Variants in GMPS observed in about 807,000 individuals in gnomAD.
GMPS encodes GMP synthase [glutamine-hydrolyzing].
GMPS carries 15 observed loss-of-function variants against 77.9 expected under a neutral mutation model. That is an observed-to-expected ratio of 0.19 (90% CI 0.13 to 0.30). GMPS has a LOEUF of 0.30. GMPS is among the 10% of genes least tolerant of loss of function. The pLI is 1.00. For missense variants in GMPS, 590 were observed against 838.8 expected (o/e 0.70, Z 3.66); for synonymous variants, 224 against 275.9 (o/e 0.81, Z 1.86).
At position 155,939,426 on chromosome 3, in the gene GMPS, G is replaced by T. The variant is rs12494143; in HGVS notation, c.*1734G>T. On this transcript the variant is annotated 3_prime_UTR_variant, in exon 16 of 16. Coordinates refer to ENST00000496455, the MANE Select transcript of GMPS (RefSeq NM_003875.3). ...ACAGTAGGAATTTTGGAAAAATAGA[G>T]AGTAAGAATGTGTGTTCTATGGAAC... 11,921 of 204,674 alleles carry T rather than the reference G, an allele frequency of 0.058. 492 individuals are homozygous for T. Among genetic ancestry groups the T allele is most frequent in the South Asian group, 0.17 (905 of 5,268 alleles). 12.7% of individuals were successfully genotyped at this position (204,674 alleles called of 1,614,324 possible).
rs368988652 is a variant in GMPS, at chr3:155,903,946, A to G, written c.408A>G (p.Thr136=). 25 of 1,408,844 alleles carry G rather than the reference A, an allele frequency of 1.8e-5. No homozygotes were observed. In the African/African-American group the frequency reaches 3.6e-4, roughly 20 times the overall value. 87.3% of individuals were successfully genotyped at this position (1,408,844 alleles called of 1,614,324 possible). A position where few individuals can be genotyped will look rare whatever the true frequency, so the allele number is the denominator to read the frequency against. ...TTTTCAACATTAGTGTGGATAATAC[A>G]TGTTCATTATTCAGGTATTACATTT... ...DGVFNISVDN[T]CSLFRGLQKE... The change falls in exon 4 of 16, where the codon ACA becomes ACG. Residue 136 remains threonine, a synonymous_variant. Transcript: ENST00000496455.
intron 1 of GMPS, among the ~76,000 whole-genome samples, chr3:155,876,222 A>G (rs950355075): frequency 6.6e-6 from 1 of 152,164 alleles, no homozygotes; most frequent in African/African-American, 2.4e-5. Context: ...GCATCTTGCA[A>G]GGTGAGGAGT....
At chr3:155,921,503 A>T (rs780201426) in intron 10 of GMPS, among the ~76,000 whole-genome samples, 2 of 152,150 alleles carry the variant, frequency 1.3e-5, no homozygotes. Context: ...GTGATACTTA[A>T]TACATGGACT....
chr3:155,877,841 G>C (rs1268350505), intron 1 of GMPS, among the ~76,000 whole-genome samples: 1 of 148,452 alleles, frequency 6.7e-6, no homozygotes, highest in Non-Finnish European at 1.5e-5. Flanking sequence ...TAGTACAGTG[G>C]CGCGATCTCA....
At chr3:155,905,908 T>G (rs946376557) in intron 4 of GMPS, among the ~76,000 whole-genome samples, 1 of 152,222 alleles carries the variant, frequency 6.6e-6, no homozygotes, top group African/African-American at 2.4e-5. Flanking sequence ...CTGGTTATAC[T>G]ACCAACTTCA....
At position 155,870,830 on chromosome 3, in the gene GMPS, G is replaced by T; in HGVS notation, c.-41G>T. 1 of 1,384,660 alleles carries T rather than the reference G, an allele frequency of 7.2e-7. No homozygotes were observed. Among genetic ancestry groups the T allele is most frequent in the Non-Finnish European group, 9.8e-7 (1 of 1,022,792 alleles). 85.8% of individuals were successfully genotyped at this position (1,384,660 alleles called of 1,614,324 possible). On this transcript the variant is annotated 5_prime_UTR_variant, in exon 1 of 16. Transcript: ENST00000496455. ...TTCCGGCACCCTCCCGCCCCGTCTC[G>T]TACTGTCGCCGTCACCGCCGCGGCT...
intron 3 of GMPS, among the ~76,000 whole-genome samples, chr3:155,900,173 A>G (rs769313619): frequency 2.0e-5 from 3 of 152,164 alleles, no homozygotes; most frequent in Non-Finnish European, 2.9e-5. Context: ...TTAGTTTTGT[A>G]AGAAACTGCC....
Position 155,909,397 on chromosome 3 carries a change from A to G in GMPS, c.527-1295A>G, listed in dbSNP as rs550930398. On this transcript the variant is annotated intron_variant, in intron 5 of 15. Transcript: ENST00000496455. ...TTGGTAGCTGTACAATGCATTTGAA[A>G]GCCATGTGCAACTGAGAACCAAAAT... 2.0e-3 allele frequency among the ~76,000 whole-genome samples: 298 copies of G among 152,334 alleles called. 1 individual carries two copies. Among genetic ancestry groups the G allele is most frequent in the African/African-American group, 7.0e-3 (289 of 41,568 alleles).
chr3:155,940,682 T>C lies in GMPS; in HGVS notation c.*2990T>C, dbSNP rs1445258518. ...TTCAGCATCAAATCCAGCTATAAATTTGTATTTTGTAAACAAGAGAAAGTA... is the reference window on the plus strand; with the variant it reads ...TTCAGCATCAAATCCAGCTATAAATCTGTATTTTGTAAACAAGAGAAAGTA... On this transcript the variant is annotated 3_prime_UTR_variant, in exon 16 of 16. Transcript: ENST00000496455. 2 of 224,326 alleles carry C rather than the reference T, an allele frequency of 8.9e-6. No homozygotes were observed. Among genetic ancestry groups the C allele is most frequent in the South Asian group, 1.8e-4 (1 of 5,460 alleles). 13.9% of individuals were successfully genotyped at this position (224,326 alleles called of 1,614,324 possible).
At chr3:155,920,303 G>A (rs1755285690) in intron 10 of GMPS, among the ~76,000 whole-genome samples, 1 of 152,130 alleles carries the variant, frequency 6.6e-6, no homozygotes, top group Non-Finnish European at 1.5e-5. Flanking sequence ...ATTAGCACTT[G>A]TTCTCAAATC....
At chr3:155,881,522 C>A (rs1754206860) in intron 1 of GMPS, among the ~76,000 whole-genome samples, 1 of 152,228 alleles carries the variant, frequency 6.6e-6, no homozygotes, top group South Asian at 2.1e-4. Context: ...AACATCTTCA[C>A]AAAGGCATAT....
intron 5 of GMPS, 43 bp from the exon 6 acceptor site, chr3:155,910,649 C>T: frequency 1.0e-6 from 1 of 959,682 alleles, no homozygotes; most frequent in Non-Finnish European, 1.5e-6. Context: ...TGAGTCTTTT[C>T]AGCATGAAAA....
chr3:155,912,375 G>A (rs1397591290), intron 7 of GMPS, among the ~76,000 whole-genome samples: 2 of 152,132 alleles, frequency 1.3e-5, no homozygotes, highest in Admixed American at 6.5e-5. Context: ...AAGCTAGGGG[G>A]GTCTCTCCCA....
intron 1 of GMPS, among the ~76,000 whole-genome samples, chr3:155,888,560 C>G (rs1025553172): frequency 6.6e-6 from 1 of 151,524 alleles, no homozygotes; most frequent in Non-Finnish European, 1.5e-5. Context: ...TAGCTAGGAC[C>G]ACAGGCACGT....
intron 12 of GMPS, among the ~76,000 whole-genome samples, chr3:155,931,233 G>T (rs916394511): frequency 6.6e-6 from 1 of 151,690 alleles, no homozygotes; most frequent in Non-Finnish European, 1.5e-5. Context: ...ACCCAGGCTG[G>T]AGTGCAGTGA....
intron 13 of GMPS, among the ~76,000 whole-genome samples, chr3:155,934,560 A>G (rs1031627129): frequency 2.0e-5 from 3 of 152,186 alleles, no homozygotes; most frequent in Admixed American, 2.0e-4. Context: ...TTACATTTGC[A>G]AAGACCCTTT....
At chr3:155,931,572 T>TTA (rs1335038723) in intron 12 of GMPS, among the ~76,000 whole-genome samples, 193 bp from the exon 13 acceptor site, 1 of 152,030 alleles carries the variant, frequency 6.6e-6, no homozygotes, top group African/African-American at 2.4e-5. Context: ...TGGAATTTAT[T>TTA]TATACCATTA....
intron 12 of GMPS, 90 bp downstream of exon 12, chr3:155,925,456 G>A (rs753730277): frequency 9.4e-5 from 96 of 1,020,476 alleles, no homozygotes; most frequent in Middle Eastern, 5.6e-4. Context: ...CCAGGCTGGA[G>A]CGCAGTGGCG....
Position 155,940,645 on chromosome 3 carries a change from CTG to C in GMPS, c.*2955_*2956del, listed in dbSNP as rs1337487307. 14 of 215,534 alleles carry C rather than the reference CTG, an allele frequency of 6.5e-5. No homozygotes were observed. The highest frequency in any genetic ancestry group is 2.3e-4 in the African/African-American group (10 of 44,182). 13.4% of individuals were successfully genotyped at this position (215,534 alleles called of 1,614,324 possible). A position where few individuals can be genotyped will look rare whatever the true frequency, so the allele number is the denominator to read the frequency against. On this transcript the variant is annotated 3_prime_UTR_variant, in exon 16 of 16. Transcript: ENST00000496455. ...GTTCTTTATCTGTGACATGAGGTAA[CTG>C]TATTAAATTTTCAGCATCAAATCCA...
Sources: gnomAD v4.1 joint callset for allele counts (sites outside exome capture counted in the v4.1 genomes callset) on GRCh38, gnomAD v4.1.1 for gene constraint, MANE v1.5 for transcripts, NCBI Gene and HGNC (gene_info 2026-07-23, HGNC 2026-07-21) for gene names.